Variants in GABBR2 observed in about 807,000 individuals in gnomAD.
The protein encoded by GABBR2 is gamma-aminobutyric acid type B receptor subunit 2.
GABBR2 carries 23 observed loss-of-function variants against 105.6 expected under a neutral mutation model. That is an observed-to-expected ratio of 0.22 (90% confidence interval 0.16 to 0.31). GABBR2 has a LOEUF of 0.31. Among genes scored for constraint, GABBR2 ranks in the 10% least tolerant of loss-of-function variants. The probability of loss-of-function intolerance (pLI) is 1.00; values close to 1 mark genes in which losing one functional copy is unlikely to be tolerated. For synonymous variants in GABBR2, 478 were observed against 499.7 expected (o/e 0.96, Z 0.58); for missense variants, 734 against 1,245.5 (o/e 0.59, Z 6.18).
At chr9:98,415,443 C>T (rs770002520) in intron 7 of GABBR2, among the ~76,000 whole-genome samples, 2 of 152,074 alleles carry the variant, frequency 1.3e-5, no homozygotes, top group Admixed American at 6.6e-5. Flanking sequence ...AACGTAAGCC[C>T]GTTTCCCTCT....
rs1054724028 is a variant in GABBR2 at position 98,294,497 on chromosome 9, C to CT, written c.2543-596dup. ...TATACAAGATGTTCAACCTCGGCAT[C>CT]TTTTTTTTTTTTTTCTGTCACTCAG... On this transcript the variant is annotated intron_variant, in intron 17 of 18. Coordinates refer to ENST00000259455, the MANE Select transcript of GABBR2 (RefSeq NM_005458.8). Among the ~76,000 whole-genome samples, 436 of 144,660 alleles carry CT rather than the reference C, an allele frequency of 3.0e-3. 1 individual carries two copies. Among genetic ancestry groups the CT allele is most frequent in the East Asian group, 0.011 (54 of 4,990 alleles). 94.9% of individuals were successfully genotyped at this position (144,660 alleles called of 152,430 possible). A position where few individuals can be genotyped will look rare whatever the true frequency, so the allele number is the denominator to read the frequency against.
Position 98,606,869 on chromosome 9 carries a change from C to A in GABBR2, c.322-28797G>T, listed in dbSNP as rs1676597528. The stretch of plus-strand genomic sequence containing the variant: ...CTGCTGCTGAGGAGAGAAGCGTCCA[C>A]AGCAGCACCATGGGAGGTCTGATTG... On this transcript the variant is annotated intron_variant, in intron 1 of 18. Coordinates refer to ENST00000259455, the MANE Select transcript of GABBR2 (RefSeq NM_005458.8). The A allele has an allele frequency of 2.4e-5, 13 of 537,994 alleles. No individual in the cohort carries two copies. The South Asian group carries it at 2.4e-4, about 10-fold the overall frequency. The allele number at this position is 537,994 out of a possible 1,614,324, so 33.3% of individuals were successfully genotyped here. A position where few individuals can be genotyped will look rare whatever the true frequency, so the allele number is the denominator to read the frequency against.
chr9:98,530,326 G>A (rs1185242550), intron 3 of GABBR2, among the ~76,000 whole-genome samples: 1 of 152,238 alleles, frequency 6.6e-6, no homozygotes, highest in Non-Finnish European at 1.5e-5. Flanking sequence ...TTCTGTGGTA[G>A]GTGGGGTACA....
intron 1 of GABBR2, among the ~76,000 whole-genome samples, chr9:98,661,253 G>A (rs569025782): frequency 6.6e-6 from 1 of 152,286 alleles, no homozygotes; most frequent in South Asian, 2.1e-4. Flanking sequence ...TTTTGCCATG[G>A]AAGGCAACAT....
intron 9 of GABBR2, 29 bp downstream of exon 9, chr9:98,394,146 C>T (rs928680919): frequency 6.6e-7 from 1 of 1,516,732 alleles, no homozygotes; most frequent in Non-Finnish European, 9.2e-7. Flanking sequence ...TGGGCAGGCC[C>T]CCTCCTCTGA....
intron 4 of GABBR2, among the ~76,000 whole-genome samples, chr9:98,485,501 C>CACA (rs1827025582): frequency 2.8e-5 from 4 of 141,088 alleles, no homozygotes; most frequent in African/African-American, 1.0e-4. Context: ...CATACACACA[C>CACA]GCAGGCACAC....
At chr9:98,698,289 A>C (rs1830782681) in intron 1 of GABBR2, among the ~76,000 whole-genome samples, 1 of 152,198 alleles carries the variant, frequency 6.6e-6, no homozygotes, top group African/African-American at 2.4e-5. Context: ...CACGCACTCA[A>C]TACTTTGGAT....
At chr9:98,453,565 TA>T (rs138636369) in intron 7 of GABBR2, among the ~76,000 whole-genome samples, 37,930 of 152,154 alleles carry the variant, frequency 0.25, 5,915 homozygotes, top group Middle Eastern at 0.35. Flanking sequence ...GCTAATTGTT[TA>T]TATTCAATGA....
intron 3 of GABBR2, among the ~76,000 whole-genome samples, chr9:98,510,367 G>C (rs1195811340): frequency 2.6e-5 from 4 of 152,112 alleles, no homozygotes; most frequent in Admixed American, 6.5e-5. Context: ...ATCAACTAAC[G>C]AGCAAAATAA....
rs368967539 is a variant in GABBR2, at chr9:98,373,797, G to A, written c.1663-2226C>T. ...TATCATCATTTTTACCTCATCCTGTGGCTGACAAAGATCTATTTTGAGGAG... is the reference window on the plus strand; with the variant it reads ...TATCATCATTTTTACCTCATCCTGTAGCTGACAAAGATCTATTTTGAGGAG... On this transcript the variant is annotated intron_variant, in intron 11 of 18. Transcript: ENST00000259455. Among the ~76,000 whole-genome samples the A allele has an allele frequency of 3.3e-5, 5 of 151,576 alleles. No individual in the cohort carries two copies. The South Asian group carries it at 6.3e-4, about 19-fold the overall frequency.
intron 1 of GABBR2, among the ~76,000 whole-genome samples, chr9:98,690,928 C>A (rs1830675195): frequency 6.6e-6 from 1 of 152,246 alleles, no homozygotes; most frequent in Non-Finnish European, 1.5e-5. Flanking sequence ...GGCCTGCCAA[C>A]CTGGCCTCTC....
At chr9:98,580,694 A>G (rs1828988420) in intron 1 of GABBR2, among the ~76,000 whole-genome samples, 1 of 152,198 alleles carries the variant, frequency 6.6e-6, no homozygotes, top group Non-Finnish European at 1.5e-5. Flanking sequence ...AGGCTGAGGC[A>G]GGAGAATCGC....
At chr9:98,551,291 T>C (rs901154086) in intron 2 of GABBR2, among the ~76,000 whole-genome samples, 1 of 152,084 alleles carries the variant, frequency 6.6e-6, no homozygotes, top group Non-Finnish European at 1.5e-5. Flanking sequence ...TAATCCCAGC[T>C]ACCCAGGAGG....
intron 1 of GABBR2, among the ~76,000 whole-genome samples, chr9:98,660,529 G>C (rs1272884009): frequency 6.6e-6 from 1 of 152,192 alleles, no homozygotes; most frequent in African/African-American, 2.4e-5. Flanking sequence ...TCTTTGGTGA[G>C]TTTCCTACGG....
chr9:98,340,332 TAACTTA>T (rs552703364), intron 13 of GABBR2, among the ~76,000 whole-genome samples: 5 of 152,144 alleles, frequency 3.3e-5, no homozygotes, highest in Non-Finnish European at 7.4e-5. Context: ...CTCAGCACAG[TAACTTA>T]AACTTAAAAC....
chr9:98,430,598 G>A (rs1252811652), intron 7 of GABBR2, among the ~76,000 whole-genome samples: 1 of 152,120 alleles, frequency 6.6e-6, no homozygotes, highest in African/African-American at 2.4e-5. Context: ...TCTTTCCCTG[G>A]TCTCAAGTGC....
chr9:98,584,059 T>C (rs984329569), intron 1 of GABBR2, among the ~76,000 whole-genome samples: 44 of 152,200 alleles, frequency 2.9e-4, no homozygotes, highest in African/African-American at 1.1e-3. Context: ...GATGAATTGC[T>C]CTCAGAGCCA....
intron 13 of GABBR2, among the ~76,000 whole-genome samples, chr9:98,359,709 AGGCTGCCATGAGGCTGT>A (rs1304019547): frequency 3.3e-5 from 5 of 152,202 alleles, no homozygotes; most frequent in African/African-American, 1.2e-4. Context: ...ATTTGCCTGC[AGGCTGCCATGAGGCTGT>A]GGCTGCCATG....
intron 2 of GABBR2, among the ~76,000 whole-genome samples, chr9:98,551,799 C>T (rs1828491082): frequency 6.6e-6 from 1 of 152,172 alleles, no homozygotes; most frequent in Non-Finnish European, 1.5e-5. Context: ...TAGGCTTAAC[C>T]CTGTCCCTGT....
Sources: allele counts gnomAD v4.1 joint callset (sites outside exome capture counted in the v4.1 genomes callset), GRCh38; gene constraint gnomAD v4.1.1; transcripts MANE v1.5; gene names NCBI Gene and HGNC (gene_info 2026-07-23, HGNC 2026-07-21).